Variants in RXFP1 observed in about 807,000 individuals in gnomAD.
The protein encoded by RXFP1 is relaxin receptor 1.
A neutral mutation model predicts 89.8 loss-of-function variants in RXFP1; 73 were observed. That is an observed-to-expected ratio of 0.81 (90% CI 0.67 to 0.99). The LOEUF (loss-of-function observed/expected upper bound fraction) is 0.99, where lower values mean the gene tolerates loss of function less well. Among genes scored for constraint, RXFP1 ranks in the 50% least tolerant of loss-of-function variants. The pLI, the probability that RXFP1 is intolerant of heterozygous loss-of-function variation, is 0.00. For synonymous variants in RXFP1, 277 were observed against 305.5 expected (o/e 0.91, Z 0.97); for missense variants, 793 against 895.5 (o/e 0.89, Z 1.46).
At chr4:158,536,174 C>T (rs898283934) in intron 1 of RXFP1, among the ~76,000 whole-genome samples, 7 of 152,138 alleles carry the variant, frequency 4.6e-5, no homozygotes, top group Non-Finnish European at 1.0e-4. Flanking sequence ...CAACTATAAC[C>T]TCACAGCAGT....
intron 1 of RXFP1, among the ~76,000 whole-genome samples, chr4:158,560,351 G>A (rs531275888): frequency 6.6e-6 from 1 of 152,288 alleles, no homozygotes; most frequent in African/African-American, 2.4e-5. Context: ...TTGTATGGCA[G>A]TTCACACCTG....
chr4:158,596,572 T>C (rs1299953116), intron 3 of RXFP1, among the ~76,000 whole-genome samples: 1 of 152,226 alleles, frequency 6.6e-6, no homozygotes, highest in Admixed American at 6.5e-5. Flanking sequence ...TTTCTTAAAT[T>C]TTAATTGAAT....
chr4:158,535,031 C>T (rs73860516), intron 1 of RXFP1, among the ~76,000 whole-genome samples: 3,280 of 150,410 alleles, frequency 0.022, 102 homozygotes, highest in African/African-American at 0.074. Context: ...TTTTATAAAA[C>T]GAGAATTCCT....
At chr4:158,567,042 G>A (rs533892126) in intron 1 of RXFP1, among the ~76,000 whole-genome samples, 14 of 152,278 alleles carry the variant, frequency 9.2e-5, no homozygotes, top group East Asian at 5.8e-4. Context: ...CGGAGTGGCC[G>A]GCCGGCCCGC....
intron 2 of RXFP1, among the ~76,000 whole-genome samples, chr4:158,590,683 A>G (rs974575527): frequency 6.6e-6 from 1 of 152,158 alleles, no homozygotes; most frequent in African/African-American, 2.4e-5. Flanking sequence ...TAATAATAAC[A>G]TGATTGCCGT....
At chr4:158,614,342 G>T (rs1764128132) in intron 8 of RXFP1, among the ~76,000 whole-genome samples, 1 of 152,182 alleles carries the variant, frequency 6.6e-6, no homozygotes, top group Admixed American at 6.5e-5. Context: ...AGCTATGAAA[G>T]TCTTGTATGG....
chr4:158,629,581 A>G (rs1277343782), intron 11 of RXFP1, among the ~76,000 whole-genome samples: 3 of 151,764 alleles, frequency 2.0e-5, no homozygotes, highest in Non-Finnish European at 2.9e-5. Flanking sequence ...CTTATCCTTC[A>G]GACCATTTTT....
chr4:158,647,676 TG>T (rs2150267253), intron 16 of RXFP1, among the ~76,000 whole-genome samples: 1 of 152,092 alleles, frequency 6.6e-6, no homozygotes, highest in African/African-American at 2.4e-5. Context: ...GAGACCAGCC[TG>T]GGCAACATAG....
At chr4:158,565,845 G>C (rs1333456082) in intron 1 of RXFP1, among the ~76,000 whole-genome samples, 2 of 152,194 alleles carry the variant, frequency 1.3e-5, no homozygotes, top group African/African-American at 4.8e-5. Context: ...AAAGGAATTT[G>C]GGTGAAACCA....
At chr4:158,637,800 A>G (rs1769494782) in intron 12 of RXFP1, among the ~76,000 whole-genome samples, 1 of 152,182 alleles carries the variant, frequency 6.6e-6, no homozygotes, top group Non-Finnish European at 1.5e-5. Flanking sequence ...ATCCAAAAAA[A>G]TCATCACCCA....
At chr4:158,572,104 A>G (rs925591575) in intron 1 of RXFP1, among the ~76,000 whole-genome samples, 2 of 152,190 alleles carry the variant, frequency 1.3e-5, no homozygotes. Context: ...GCCTCTGTAC[A>G]AAATCAATCG....
At position 158,605,357 on chromosome 4, in the gene RXFP1, A is replaced by G. The variant is rs538171052; in HGVS notation, c.464+218A>G. ...GAAAAACCTCAGACACATATTTCCA[A>G]AGGAACTGGAACATGTGTGCTGTGA... On this transcript the variant is annotated intron_variant, in intron 5 of 17. Coordinates refer to ENST00000307765, the MANE Select transcript of RXFP1 (RefSeq NM_021634.4). 9.8e-4 allele frequency among the ~76,000 whole-genome samples: 150 copies of G among 152,296 alleles called. 1 individual carries two copies. The South Asian group carries it at 0.029, about 29-fold the overall frequency.
chr4:158,646,830 G>C lies in RXFP1; in HGVS notation c.1385G>C (p.Gly462Ala). 6.2e-7 allele frequency: 1 copy of C among 1,613,742 alleles called. No homozygotes were observed. The highest frequency in any genetic ancestry group is 8.5e-7 in the Non-Finnish European group (1 of 1,179,786). ...ATGGGAATATATTTATTCGTGATCG[G>C]AGGCTTTGACCTAAAGTTTCGTGGA... ...CLMGIYLFVI[G>A]GFDLKFRGEY... The change falls in exon 16 of 18, where the codon GGA becomes GCA. Residue 462 changes from glycine (G) to alanine (A), a missense_variant. By Grantham distance (60) the Gly-to-Ala change is moderately conservative (BLOSUM62 0). Transcript: ENST00000307765.
chr4:158,596,929 A>G (rs1289808064), intron 3 of RXFP1, among the ~76,000 whole-genome samples: 2 of 152,216 alleles, frequency 1.3e-5, no homozygotes, highest in East Asian at 3.8e-4. Flanking sequence ...CATTTGTCAC[A>G]AGTATAATTA....
Position 158,561,632 on chromosome 4 carries a change from T to C in RXFP1, c.50-11066T>C, listed in dbSNP as rs533305869. On this transcript the variant is annotated intron_variant, in intron 1 of 17. Transcript: ENST00000307765. ...TGTATTTTTTTCTTTTTTTCTTTTT[T>C]TTTTTTTTTTTTTGAGACAGAGTCT... 1.2e-4 allele frequency among the ~76,000 whole-genome samples: 17 copies of C among 143,350 alleles called. No homozygotes were observed. In the East Asian group the frequency reaches 2.9e-3, roughly 25 times the overall value. The allele number at this position is 143,350 out of a possible 152,430, so 94.0% of individuals were successfully genotyped here.
intron 1 of RXFP1, among the ~76,000 whole-genome samples, chr4:158,532,032 A>G (rs2149796319): frequency 6.6e-6 from 1 of 152,204 alleles, no homozygotes; most frequent in Admixed American, 6.5e-5. Flanking sequence ...TGATCCCGTC[A>G]CCCAAGTAAT....
At chr4:158,580,349 A>T (rs1465570696) in intron 2 of RXFP1, among the ~76,000 whole-genome samples, 1 of 152,212 alleles carries the variant, frequency 6.6e-6, no homozygotes, top group Non-Finnish European at 1.5e-5. Flanking sequence ...CCTGGGAAAG[A>T]CAATCTCTTA....
At chr4:158,561,513 C>G (rs1423399677) in intron 1 of RXFP1, among the ~76,000 whole-genome samples, 4 of 151,874 alleles carry the variant, frequency 2.6e-5, no homozygotes, top group Non-Finnish European at 4.4e-5. Flanking sequence ...TCCAAAATAT[C>G]TGAGAATGCA....
chr4:158,644,860 A>G (rs1165290907), intron 14 of RXFP1, 49 bp from the exon 15 acceptor site: 9 of 1,217,820 alleles, frequency 7.4e-6, no homozygotes, highest in East Asian at 2.4e-5. Context: ...ATGTATGGTG[A>G]CACTGAATTA....
Sources: gnomAD v4.1 joint callset for allele counts (sites outside exome capture counted in the v4.1 genomes callset) on GRCh38, gnomAD v4.1.1 for gene constraint, MANE v1.5 for transcripts, NCBI Gene and HGNC (gene_info 2026-07-23, HGNC 2026-07-21) for gene names.